VPS13B: variants seen among roughly 807,000 people sequenced by gnomAD.
VPS13B encodes the protein vacuolar protein sorting 13 homolog B, also known as intermembrane lipid transfer protein VPS13B.
In VPS13B, 285 loss-of-function variants were observed where a neutral mutation model predicts 426.4. That is an observed-to-expected ratio of 0.67 (90% CI 0.61 to 0.74). The LOEUF (loss-of-function observed/expected upper bound fraction) is 0.74. VPS13B is among the 30% of genes least tolerant of loss of function. The pLI is 0.00. For synonymous variants in VPS13B, 1,676 were observed against 1,676.4 expected (o/e 1.00, Z 0.01); for missense variants, 4,537 against 4,782.6 (o/e 0.95, Z 1.51).
chr8:99,838,154 T>C (rs141402177), intron 54 of VPS13B, among the ~76,000 whole-genome samples: 211 of 152,330 alleles, frequency 1.4e-3, no homozygotes, highest in Non-Finnish European at 2.3e-3. Flanking sequence ...GGGCTTTCTG[T>C]GGTTGAATCC....
chr8:99,340,752 G>A, intron 19 of VPS13B: 1 of 337,104 alleles, frequency 3.0e-6, no homozygotes. Flanking sequence ...GCCTGCTGCT[G>A]GCACTTGGGC....
At chr8:99,837,967 C>T (rs1045492907) in intron 54 of VPS13B, among the ~76,000 whole-genome samples, 14 of 152,196 alleles carry the variant, frequency 9.2e-5, no homozygotes, top group Admixed American at 7.2e-4. Context: ...TTCAGTCAAG[C>T]CCTCTGCTTC....
intron 24 of VPS13B, among the ~76,000 whole-genome samples, chr8:99,476,189 G>A (rs1417575427): frequency 6.6e-6 from 1 of 152,198 alleles, no homozygotes; most frequent in Non-Finnish European, 1.5e-5. Context: ...CATTCCTGAA[G>A]AGATGTGAAA....
chr8:99,091,490 G>A (rs1846146721), intron 3 of VPS13B, among the ~76,000 whole-genome samples: 1 of 152,116 alleles, frequency 6.6e-6, no homozygotes, highest in South Asian at 2.1e-4. Flanking sequence ...GTTGATGTGT[G>A]AAGAGATTGG....
intron 3 of VPS13B, among the ~76,000 whole-genome samples, chr8:99,096,029 G>C (rs1846396725): frequency 1.3e-5 from 2 of 152,096 alleles, no homozygotes; most frequent in Non-Finnish European, 2.9e-5. Flanking sequence ...TTTTGCTAGA[G>C]CCATAAATAA....
intron 3 of VPS13B, among the ~76,000 whole-genome samples, chr8:99,083,147 G>C (rs1845580078): frequency 6.6e-6 from 1 of 152,170 alleles, no homozygotes; most frequent in Non-Finnish European, 1.5e-5. Context: ...CTGAGCAGTG[G>C]TTTGTAGTTC....
chr8:99,304,576 T>G (rs533990384), intron 19 of VPS13B, among the ~76,000 whole-genome samples: 1 of 152,142 alleles, frequency 6.6e-6, no homozygotes, highest in East Asian at 1.9e-4. Context: ...TCAATGAATT[T>G]TTGATTATCT....
intron 19 of VPS13B, among the ~76,000 whole-genome samples, chr8:99,296,531 TTACTC>T (rs1410408353): frequency 9.9e-5 from 15 of 152,192 alleles, no homozygotes; most frequent in Non-Finnish European, 1.0e-4. Flanking sequence ...AAATCTTTCT[TTACTC>T]TAAAAACAAG....
chr8:99,136,249 G>A lies in VPS13B; in HGVS notation c.1564-416G>A, dbSNP rs529398956. Among the ~76,000 whole-genome samples, 4 of 151,946 alleles carry A rather than the reference G, an allele frequency of 2.6e-5. No homozygotes were observed. The East Asian group carries it at 7.7e-4, about 29-fold the overall frequency. On this transcript the variant is annotated intron_variant, in intron 11 of 61. Coordinates refer to ENST00000357162, the MANE Select transcript of VPS13B (RefSeq NM_152564.5). ...TTGTTAAAATATTTAATGTTGACTT[G>A]CATAATTAACATACATTTAGAATAT...
chr8:99,024,404 T>C (rs1380670646), intron 2 of VPS13B, among the ~76,000 whole-genome samples: 2 of 152,230 alleles, frequency 1.3e-5, no homozygotes, highest in Non-Finnish European at 2.9e-5. Flanking sequence ...TTTTCTCTTA[T>C]GTTTTCTTCT....
intron 34 of VPS13B, among the ~76,000 whole-genome samples, chr8:99,654,859 CAA>C (rs796454771): frequency 9.1e-5 from 11 of 121,126 alleles, no homozygotes; most frequent in African/African-American, 1.5e-4. Context: ...AGGATTAAGC[CAA>C]AAAAAAAAAA....
intron 39 of VPS13B, among the ~76,000 whole-genome samples, chr8:99,722,966 C>G (rs942927439): frequency 5.3e-5 from 8 of 152,092 alleles, no homozygotes; most frequent in African/African-American, 1.4e-4. Context: ...AGTGTAATAA[C>G]TAATTATTGG....
At position 99,111,229 on chromosome 8, in the gene VPS13B, C is replaced by G; in HGVS notation, c.712C>G (p.Leu238Val). Residue 238 changes from leucine (L) to valine (V), a missense_variant, in exon 6 of 62, where the codon CTT becomes GTT. Leu to Val is a conservative substitution (Grantham distance 32). Around this residue, in one of 2 missense-constraint regions of VPS13B, gnomAD observed 226 missense variants for 308.3 expected, o/e 0.73. Coordinates refer to ENST00000357162, the MANE Select transcript of VPS13B (RefSeq NM_152564.5). ...LLYKCSFRTRLHFTYENLNSK... is the reference protein window; with the variant it reads ...LLYKCSFRTRVHFTYENLNSK... Reference sequence around the variant, plus strand: ...ATACAAATGTTCCTTCAGAACTCGTCTTCATTTTACATATGAAAACCTAAA... The same window carrying G: ...ATACAAATGTTCCTTCAGAACTCGTGTTCATTTTACATATGAAAACCTAAA... The G allele has an allele frequency of 6.2e-7, 1 of 1,602,250 alleles. No homozygotes were observed. The highest frequency in any genetic ancestry group is 8.5e-7 in the Non-Finnish European group (1 of 1,175,516).
chr8:99,346,240 G>T (rs1230736485), intron 19 of VPS13B: 4 of 152,192 alleles, frequency 2.6e-5, no homozygotes, highest in African/African-American at 9.7e-5. Flanking sequence ...GAGATTACAC[G>T]CAGGGTAGAT....
intron 33 of VPS13B, among the ~76,000 whole-genome samples, chr8:99,625,187 T>C (rs1374543694): frequency 6.6e-6 from 1 of 152,132 alleles, no homozygotes; most frequent in Non-Finnish European, 1.5e-5. Flanking sequence ...GAACTTCTGC[T>C]AGGGTAACTA....
chr8:99,717,098 A>C, intron 36 of VPS13B, 73 bp from the exon 37 acceptor site: 1 of 1,414,958 alleles, frequency 7.1e-7, no homozygotes, highest in Non-Finnish European at 9.8e-7. Context: ...CTCTTCAAAA[A>C]TATAGATAGT....
chr8:99,559,246 TGGGGTTA>T (rs1279666227), intron 31 of VPS13B, among the ~76,000 whole-genome samples: 1 of 152,214 alleles, frequency 6.6e-6, no homozygotes, highest in Non-Finnish European at 1.5e-5. Context: ...CACTTTTTGA[TGGGGTTA>T]TTTGATTTTT....
rs1832960335 is a variant in VPS13B, at chr8:99,717,184, G to A, written c.6468G>A (p.Gly2156=). Residue 2156 remains glycine (G), a synonymous_variant, in exon 37 of 62, where the codon GGG becomes GGA. Transcript: ENST00000357162. ...TTTTTTTTTCAGGCATAATTCTTGG[G>A]TCATCATTTCTACTCAGTATAAACG... ...ATQKVPGIIL[G]SSFLLSINDF... The A allele has an allele frequency of 6.2e-7, 1 of 1,613,200 alleles. No homozygotes were observed. Among genetic ancestry groups the A allele is most frequent in the Non-Finnish European group, 8.5e-7 (1 of 1,179,534 alleles).
At chr8:99,790,533 T>C (rs1812488405) in intron 43 of VPS13B, among the ~76,000 whole-genome samples, 1 of 152,198 alleles carries the variant, frequency 6.6e-6, no homozygotes, top group African/African-American at 2.4e-5. Context: ...CAGGATATCA[T>C]TGCAGTAGTT....
Sources: gnomAD v4.1 joint callset for allele counts (sites outside exome capture counted in the v4.1 genomes callset) on GRCh38, gnomAD v4.1.1 for gene constraint, gnomAD v4.1.1 regional missense constraint, MANE v1.5 for transcripts, NCBI Gene and HGNC (gene_info 2026-07-23, HGNC 2026-07-21) for gene names.